Variants in DCDC2 observed in about 807,000 individuals in gnomAD.
DCDC2 encodes the protein doublecortin domain containing 2.
DCDC2 carries 40 observed loss-of-function variants against 50.2 expected under a neutral mutation model. That is an observed-to-expected ratio of 0.80 (90% CI 0.62 to 1.04). The LOEUF (loss-of-function observed/expected upper bound fraction) is 1.04. DCDC2 is among the 50% of genes least tolerant of loss of function. The pLI, the probability that DCDC2 is intolerant of heterozygous loss-of-function variation, is 0.00. For synonymous variants in DCDC2, 234 were observed against 210.6 expected, an observed-to-expected ratio of 1.11 and a Z score of -0.96; for missense variants, 570 against 581.9, an observed-to-expected ratio of 0.98 and a Z score of 0.21.
At chr6:24,383,038 C>T in the DCDC2 span, among the ~76,000 whole-genome samples, 12 of 152,112 alleles carry the variant, frequency 7.9e-5, no homozygotes, top group African/African-American at 2.9e-4. Context: ...AAGAAAACTA[C>T]CCCCTAGGCT....
chr6:24,227,225 A>G (rs1032586884), intron 7 of DCDC2, among the ~76,000 whole-genome samples: 1 of 152,152 alleles, frequency 6.6e-6, no homozygotes, highest in African/African-American at 2.4e-5. Context: ...CTTTTTGAGA[A>G]CTTCTGGATG....
chr6:24,222,268 G>A (rs1042011599), intron 7 of DCDC2, among the ~76,000 whole-genome samples: 1 of 152,194 alleles, frequency 6.6e-6, no homozygotes, highest in East Asian at 1.9e-4. Flanking sequence ...GCGCCTTGAA[G>A]AGACTTTGGA....
chr6:24,275,138 T>C (rs144523787), intron 7 of DCDC2, among the ~76,000 whole-genome samples: 142 of 152,260 alleles, frequency 9.3e-4, no homozygotes, highest in Non-Finnish European at 1.6e-3. Context: ...TCTTGAAACA[T>C]GAGTATTCAA....
rs144134994 is a variant in DCDC2 at position 24,252,999 on chromosome 6, T to C, written c.922+25050A>G. ...ATTTCAAAACATTTTACATAAATAA[T>C]GAAAATAAGACAAATCAAAACATGT... On this transcript the variant is annotated intron_variant, in intron 7 of 9. Coordinates refer to ENST00000378454, the MANE Select transcript of DCDC2 (RefSeq NM_016356.5). 8.3e-3 allele frequency among the ~76,000 whole-genome samples: 1,256 copies of C among 152,002 alleles called. 8 individuals are homozygous for C. The highest frequency in any genetic ancestry group is 0.015 in the African/African-American group (607 of 41,462).
intron 7 of DCDC2, among the ~76,000 whole-genome samples, chr6:24,244,664 G>C (rs1762633366): frequency 6.6e-6 from 1 of 152,144 alleles, no homozygotes. Context: ...CACCTTAAAG[G>C]CCACTGCCCT....
intron 2 of DCDC2, among the ~76,000 whole-genome samples, chr6:24,303,424 T>A (rs1275393424): frequency 6.6e-6 from 1 of 152,068 alleles, no homozygotes; most frequent in African/African-American, 2.4e-5. Flanking sequence ...ATCCCCTGCA[T>A]CCACACCTTG....
chr6:24,291,634 C>A (rs1468331931), intron 4 of DCDC2, among the ~76,000 whole-genome samples: 5 of 151,180 alleles, frequency 3.3e-5, no homozygotes, highest in Admixed American at 3.3e-4. Flanking sequence ...TACAGGCGCC[C>A]GCCACTACGC....
chr6:24,364,467 T>C, the DCDC2 span, among the ~76,000 whole-genome samples: 2 of 152,190 alleles, frequency 1.3e-5, no homozygotes, highest in East Asian at 1.9e-4. Context: ...TATAATTATA[T>C]GTTTAATTGT....
At chr6:24,204,918 G>A in intron 8 of DCDC2, 84 bp downstream of exon 8, 2 of 1,297,580 alleles carry the variant, frequency 1.5e-6, no homozygotes, top group Non-Finnish European at 1.1e-6. Context: ...ACAGGTATAG[G>A]AACAATTTGT....
At chr6:24,188,744 A>G (rs1761255235) in intron 8 of DCDC2, among the ~76,000 whole-genome samples, 1 of 152,122 alleles carries the variant, frequency 6.6e-6, no homozygotes, top group South Asian at 2.1e-4. Flanking sequence ...CTCTTTATAA[A>G]GCACAATTCT....
rs186716654 is a variant in DCDC2, at chr6:24,182,268, T to C, written c.1024-3636A>G. ...TTGGACTTGGTGGTAATTTCTTACA[T>C]ATGACACTAAAGACACAGGCAACAA... On this transcript the variant is annotated intron_variant, in intron 8 of 9. Transcript: ENST00000378454. Among the ~76,000 whole-genome samples, 3 of 152,246 alleles carry C rather than the reference T, an allele frequency of 2.0e-5. No homozygotes were observed. The East Asian group carries it at 5.8e-4, about 29-fold the overall frequency.
intron 8 of DCDC2, among the ~76,000 whole-genome samples, chr6:24,182,270 T>A (rs1002629957): frequency 3.3e-5 from 5 of 152,066 alleles, no homozygotes; most frequent in African/African-American, 1.2e-4. Context: ...TTCTTACATA[T>A]GACACTAAAG....
chr6:24,372,683 G>A, the DCDC2 span, among the ~76,000 whole-genome samples: 6 of 151,770 alleles, frequency 4.0e-5, no homozygotes, highest in Non-Finnish European at 5.9e-5. Flanking sequence ...ACCAAACACC[G>A]CATGTTCTCA....
At chr6:24,325,453 C>T (rs1759842761) in intron 2 of DCDC2, among the ~76,000 whole-genome samples, 1 of 149,478 alleles carries the variant, frequency 6.7e-6, no homozygotes, top group Non-Finnish European at 1.5e-5. Context: ...GGGTTATTGT[C>T]TTCTCTAAGA....
intron 2 of DCDC2, among the ~76,000 whole-genome samples, chr6:24,322,746 C>T (rs865830164): frequency 1.6e-4 from 24 of 152,224 alleles, no homozygotes; most frequent in African/African-American, 4.6e-4. Context: ...CCTGGAAGCC[C>T]CCACTTTGAG....
At chr6:24,193,506 T>C (rs1483215020) in intron 8 of DCDC2, among the ~76,000 whole-genome samples, 6 of 152,184 alleles carry the variant, frequency 3.9e-5, no homozygotes, top group Non-Finnish European at 7.4e-5. Flanking sequence ...CAGTAAGTTC[T>C]TGCAGAGTTT....
chr6:24,346,148 T>C (rs1288420711), intron 2 of DCDC2, among the ~76,000 whole-genome samples: 2 of 110,348 alleles, frequency 1.8e-5, no homozygotes, highest in Non-Finnish European at 4.0e-5. Flanking sequence ...AAAGAGACTC[T>C]GTCTAAAAAA....
chr6:24,176,318 T>C (rs1760911070), intron 9 of DCDC2, among the ~76,000 whole-genome samples: 1 of 76,920 alleles, frequency 1.3e-5, no homozygotes. Flanking sequence ...CCTAATTAGA[T>C]GTTGTCTCAA....
the DCDC2 span, among the ~76,000 whole-genome samples, chr6:24,376,637 C>G: frequency 6.9e-6 from 1 of 145,690 alleles, no homozygotes; most frequent in Non-Finnish European, 1.5e-5. Context: ...CATATGGAAG[C>G]AAGAACCTGG....
Sources: allele counts gnomAD v4.1 joint callset (sites outside exome capture counted in the v4.1 genomes callset), GRCh38; gene constraint gnomAD v4.1.1; transcripts MANE v1.5; gene names NCBI Gene and HGNC (gene_info 2026-07-23, HGNC 2026-07-21).